Variants in SDK2 observed in about 807,000 individuals in gnomAD.
SDK2 encodes the protein protein sidekick-2.
Under a neutral mutation model 253.9 loss-of-function variants are expected in SDK2, and 105 were observed. That is an observed-to-expected ratio of 0.41 (90% CI 0.35 to 0.49). The LOEUF is 0.49. SDK2 is among the 20% of genes least tolerant of loss of function. SDK2 has a pLI of 0.06. For missense variants in SDK2, 2,608 were observed against 3,003.0 expected (o/e 0.87, Z 3.07); for synonymous variants, 1,249 against 1,234.9 (o/e 1.01, Z -0.24).
At chr17:73,345,819 A>G (rs993632310) in intron 44 of SDK2, among the ~76,000 whole-genome samples, 3 of 152,210 alleles carry the variant, frequency 2.0e-5, no homozygotes, top group African/African-American at 7.2e-5. Flanking sequence ...AGGTGGTGTC[A>G]TTCACGAACA....
intron 1 of SDK2, among the ~76,000 whole-genome samples, chr17:73,555,232 T>C (rs1045914386): frequency 6.6e-6 from 1 of 152,172 alleles, no homozygotes; most frequent in Non-Finnish European, 1.5e-5. Context: ...GTGCTGTCTA[T>C]ACAGATGAGC....
intron 1 of SDK2, among the ~76,000 whole-genome samples, chr17:73,607,816 A>G (rs2045926509): frequency 6.7e-6 from 1 of 150,064 alleles, no homozygotes; most frequent in Non-Finnish European, 1.5e-5. Context: ...CAGGCTTTTG[A>G]GCGAAGGACA....
intron 1 of SDK2, among the ~76,000 whole-genome samples, chr17:73,561,664 T>C (rs1446389064): frequency 6.6e-6 from 1 of 152,210 alleles, no homozygotes; most frequent in African/African-American, 2.4e-5. Flanking sequence ...CAGGAACAAG[T>C]AGAGTGGCCT....
chr17:73,450,743 G>A (rs2063485142), intron 4 of SDK2, among the ~76,000 whole-genome samples: 1 of 152,190 alleles, frequency 6.6e-6, no homozygotes, highest in Admixed American at 6.5e-5. Context: ...GGATGACAAT[G>A]TCTGGACAAC....
At chr17:73,584,083 C>T (rs980531392) in intron 1 of SDK2, among the ~76,000 whole-genome samples, 9 of 152,324 alleles carry the variant, frequency 5.9e-5, no homozygotes, top group Middle Eastern at 3.4e-3. Context: ...GCAGTACGGA[C>T]GGAGAGGGGA....
intron 40 of SDK2, chr17:73,357,744 C>A: frequency 2.6e-6 from 1 of 382,358 alleles, no homozygotes; most frequent in Non-Finnish European, 4.8e-6. Flanking sequence ...TATGGGGCAC[C>A]CATCAGTGGG....
intron 1 of SDK2, among the ~76,000 whole-genome samples, chr17:73,582,418 C>T (rs1016448501): frequency 2.6e-5 from 4 of 152,226 alleles, no homozygotes; most frequent in Non-Finnish European, 5.9e-5. Flanking sequence ...ACACACTGTG[C>T]AGGCACGAAC....
chr17:73,608,540 T>TC (rs2045935747), intron 1 of SDK2, among the ~76,000 whole-genome samples: 1 of 152,100 alleles, frequency 6.6e-6, no homozygotes, highest in Non-Finnish European at 1.5e-5. Context: ...CCTCCCGAGT[T>TC]CAAGCGATTC....
chr17:73,557,083 G>T (rs576295341), intron 1 of SDK2, among the ~76,000 whole-genome samples: 40 of 152,340 alleles, frequency 2.6e-4, no homozygotes, highest in Admixed American at 1.6e-3. Flanking sequence ...GAATATTCTG[G>T]CTGTATAAAA....
intron 1 of SDK2, among the ~76,000 whole-genome samples, chr17:73,630,043 T>G (rs950273430): frequency 9.9e-5 from 15 of 152,166 alleles, no homozygotes; most frequent in African/African-American, 3.6e-4. Flanking sequence ...ATGTGTTAAC[T>G]GAGCTTTGCT....
intron 26 of SDK2, 132 bp from the exon 27 acceptor site, chr17:73,393,881 T>G: frequency 1.5e-6 from 1 of 682,252 alleles, no homozygotes; most frequent in Non-Finnish European, 2.3e-6. Flanking sequence ...GGCTGGACCA[T>G]GTGGCTAGGC....
chr17:73,600,472 G>A (rs1453105278), intron 1 of SDK2, among the ~76,000 whole-genome samples: 1 of 152,070 alleles, frequency 6.6e-6, no homozygotes, highest in Non-Finnish European at 1.5e-5. Flanking sequence ...AGCAATCCTT[G>A]GTCCCAGGAT....
At chr17:73,635,641 A>G (rs2046320863) in intron 1 of SDK2, among the ~76,000 whole-genome samples, 3 of 152,186 alleles carry the variant, frequency 2.0e-5, no homozygotes, top group Non-Finnish European at 2.9e-5. Flanking sequence ...GGACTGTCAC[A>G]TCATCAAAAT....
chr17:73,380,535 G>A (rs2062821510), intron 34 of SDK2, among the ~76,000 whole-genome samples: 1 of 152,086 alleles, frequency 6.6e-6, no homozygotes, highest in African/African-American at 2.4e-5. Context: ...AAGTGCCTTC[G>A]ATGGGACTAG....
chr17:73,545,254 G>A (rs2044942647), intron 1 of SDK2, among the ~76,000 whole-genome samples: 1 of 152,012 alleles, frequency 6.6e-6, no homozygotes, highest in Admixed American at 6.5e-5. Flanking sequence ...TGCTGGACTC[G>A]CTCAACCCCG....
At chr17:73,576,963 A>G (rs575611341) in intron 1 of SDK2, among the ~76,000 whole-genome samples, 7 of 152,320 alleles carry the variant, frequency 4.6e-5, no homozygotes, top group African/African-American at 1.7e-4. Flanking sequence ...GTGGCCTCTG[A>G]ACAGCAGAGG....
chr17:73,472,085 CT>C (rs760823963), intron 3 of SDK2, 26 bp downstream of exon 3: 82 of 1,516,764 alleles, frequency 5.4e-5, no homozygotes, highest in African/African-American at 2.1e-4. Context: ...GTCGCCCCCC[CT>C]GCCCCTGGGT....
rs531237441 is a variant in SDK2 at position 73,468,849 on chromosome 17, G to C, written c.331+3263C>G. 1.3e-4 allele frequency among the ~76,000 whole-genome samples: 20 copies of C among 151,232 alleles called. No individual in the cohort carries two copies. In the South Asian group the frequency reaches 3.5e-3, roughly 27 times the overall value. ...CTTATTTTTATTTTTTTTTGAGATG[G>C]AGTCTCACTCTTTCGCCCAGGCTGG... On this transcript the variant is annotated intron_variant, in intron 3 of 44. Coordinates refer to ENST00000392650, the MANE Select transcript of SDK2 (RefSeq NM_001144952.2).
intron 36 of SDK2, among the ~76,000 whole-genome samples, 190 bp downstream of exon 36, chr17:73,378,987 C>G (rs1166566103): frequency 1.3e-5 from 2 of 152,124 alleles, no homozygotes; most frequent in African/African-American, 4.8e-5. Context: ...TTCAGCTGTA[C>G]AAATATTTCT....
Sources: gnomAD v4.1 joint callset for allele counts (sites outside exome capture counted in the v4.1 genomes callset) on GRCh38, gnomAD v4.1.1 for gene constraint, MANE v1.5 for transcripts, NCBI Gene and HGNC (gene_info 2026-07-23, HGNC 2026-07-21) for gene names.